The following AVL9 variants were observed in gnomAD, a reference collection of about 807,000 sequenced individuals.
The protein encoded by AVL9 is AVL9 cell migration associated.
AVL9 carries 49 observed loss-of-function variants against 79.2 expected under a neutral mutation model. The ratio of observed to expected loss-of-function variants is 0.62; its 90% CI spans 0.49 to 0.79. The LOEUF is 0.79. Among genes scored for constraint, AVL9 ranks in the 30% least tolerant of loss-of-function variants. The pLI is 0.00. For synonymous variants in AVL9, 299 were observed against 280.6 expected, an observed-to-expected ratio of 1.07 and a Z score of -0.65; for missense variants, 682 against 776.8, an observed-to-expected ratio of 0.88 and a Z score of 1.45.
intron 1 of AVL9, among the ~76,000 whole-genome samples, chr7:32,541,265 T>C (rs1243438474): frequency 1.3e-5 from 2 of 152,144 alleles, no homozygotes; most frequent in African/African-American, 4.8e-5. Flanking sequence ...ACATATTTCA[T>C]GATGCATCAT....
At chr7:32,501,302 G>A (rs1228785122) in intron 1 of AVL9, among the ~76,000 whole-genome samples, 1 of 152,174 alleles carries the variant, frequency 6.6e-6, no homozygotes, top group Non-Finnish European at 1.5e-5. Context: ...GGGAGGGTTT[G>A]TTTGATTCTT....
chr7:32,508,382 A>G (rs867700021), intron 1 of AVL9, among the ~76,000 whole-genome samples: 6 of 152,242 alleles, frequency 3.9e-5, no homozygotes, highest in Non-Finnish European at 8.8e-5. Context: ...TAAAATTTGT[A>G]GTATCCACAT....
At chr7:32,551,563 T>C (rs1789819984) in intron 5 of AVL9, 140 bp downstream of exon 5, 1 of 369,270 alleles carries the variant, frequency 2.7e-6, no homozygotes, top group Non-Finnish European at 4.9e-6. Flanking sequence ...CATTAAAACA[T>C]TGAAAGACTA....
At chr7:32,558,820 T>G in intron 9 of AVL9, 109 bp from the exon 10 acceptor site, 2 of 1,120,794 alleles carry the variant, frequency 1.8e-6, no homozygotes, top group South Asian at 3.6e-5. Flanking sequence ...AATTAAAATG[T>G]GTACAAGCAT....
At chr7:32,548,665 G>A (rs183548068) in intron 3 of AVL9, among the ~76,000 whole-genome samples, 182 bp from the exon 4 acceptor site, 1 of 152,204 alleles carries the variant, frequency 6.6e-6, no homozygotes, top group Non-Finnish European at 1.5e-5. Context: ...ACAGATTCTG[G>A]CACATAGGCC....
At chr7:32,537,398 A>C in intron 1 of AVL9, 1 of 152,034 alleles carries the variant, frequency 6.6e-6, no homozygotes. Flanking sequence ...AAACTAGAAA[A>C]ACTCAACAAT....
In AVL9 at chr7:32,520,163, G is replaced by A. The variant is rs200602146; in HGVS notation, c.94-22978G>A. On this transcript the variant is annotated intron_variant, in intron 1 of 15. Coordinates refer to ENST00000318709, the MANE Select transcript of AVL9 (RefSeq NM_015060.3). ...GGATAAAAAGAAAAATTAAGCCAGG[G>A]CAACAAAATGTACCTCCAAGACCTG... Among the ~76,000 whole-genome samples, 5 of 152,230 alleles carry A rather than the reference G, an allele frequency of 3.3e-5. No homozygotes were observed. The East Asian group carries it at 9.7e-4, about 29-fold the overall frequency.
chr7:32,569,265 G>A (rs1315764641), intron 10 of AVL9, among the ~76,000 whole-genome samples: 1 of 152,216 alleles, frequency 6.6e-6, no homozygotes, highest in Admixed American at 6.5e-5. Flanking sequence ...CATGCCACTT[G>A]TTGAAAACCC....
rs1257721183 is a variant in AVL9, at chr7:32,588,184, G to A, written c.*4277G>A. ...CGTAGTATGCTGCTCAAATTTTTTC[G>A]TGTGTGCAAATGTGAACATTTGAAC... On this transcript the variant is annotated 3_prime_UTR_variant, in exon 16 of 16. Coordinates refer to ENST00000318709, the MANE Select transcript of AVL9 (RefSeq NM_015060.3). 3 of 152,032 alleles carry A rather than the reference G, an allele frequency of 2.0e-5. No homozygotes were observed. The highest frequency in any genetic ancestry group is 2.9e-5 in the Non-Finnish European group (2 of 68,000). 9.4% of individuals were successfully genotyped at this position (152,032 alleles called of 1,614,324 possible). A position where few individuals can be genotyped will look rare whatever the true frequency, so the allele number is the denominator to read the frequency against.
At chr7:32,512,910 C>A (rs6462373) in intron 1 of AVL9, among the ~76,000 whole-genome samples, 49,835 of 149,186 alleles carry the variant, frequency 0.33, 8,415 homozygotes, top group South Asian at 0.44. Flanking sequence ...ATGTTTCATA[C>A]TGACTCCTCT....
chr7:32,586,154 A>C lies in AVL9; in HGVS notation c.*2247A>C, dbSNP rs1449588943. ...GGAATCCACTGAAATAAAAATAGTT[A>C]CATGAAGTTTAACTTTGCTTTAATA... On this transcript the variant is annotated 3_prime_UTR_variant, in exon 16 of 16. Coordinates refer to ENST00000318709, the MANE Select transcript of AVL9 (RefSeq NM_015060.3). The C allele has an allele frequency of 6.6e-6, 1 of 152,220 alleles. No homozygotes were observed. The highest frequency in any genetic ancestry group is 1.5e-5 in the Non-Finnish European group (1 of 68,050). The allele number at this position is 152,220 out of a possible 1,614,324, so 9.4% of individuals were successfully genotyped here.
chr7:32,510,332 G>A (rs1287972444), intron 1 of AVL9, among the ~76,000 whole-genome samples: 4 of 152,132 alleles, frequency 2.6e-5, no homozygotes, highest in Admixed American at 1.3e-4. Context: ...AGAATGCACA[G>A]TCCTGGCAAT....
At position 32,586,468 on chromosome 7, in the gene AVL9, C is replaced by CTCCCG. The variant is rs1554350176; in HGVS notation, c.*2561_*2562insTCCCG. 1 of 45,638 alleles carries CTCCCG rather than the reference C, an allele frequency of 2.2e-5. No individual in the cohort carries two copies. The highest frequency in any genetic ancestry group is 4.4e-5 in the Non-Finnish European group (1 of 22,920). 2.8% of individuals were successfully genotyped at this position (45,638 alleles called of 1,614,324 possible). A position where few individuals can be genotyped will look rare whatever the true frequency, so the allele number is the denominator to read the frequency against. On this transcript the variant is annotated 3_prime_UTR_variant, in exon 16 of 16. Coordinates refer to ENST00000318709, the MANE Select transcript of AVL9 (RefSeq NM_015060.3). ...CTCACCCCTGGTCCTGTGACCCCCC[C>CTCCCG]CCCCCACACACACACATACTTCAGG... is the stretch of plus-strand genomic sequence containing the variant.
rs1302069272 is a variant in AVL9 at position 32,579,130 on chromosome 7, A to G, written c.1689-1089A>G. Reference sequence around the variant, plus strand: ...AGAACCATTAATTTTATAAGCAGCTATGGATTTTACTAGGGTCACTTTCTT... The same window carrying G: ...AGAACCATTAATTTTATAAGCAGCTGTGGATTTTACTAGGGTCACTTTCTT... On this transcript the variant is annotated intron_variant, in intron 13 of 15. Coordinates refer to ENST00000318709, the MANE Select transcript of AVL9 (RefSeq NM_015060.3). Among the ~76,000 whole-genome samples, 5 of 149,910 alleles carry G rather than the reference A, an allele frequency of 3.3e-5. No homozygotes were observed. In the South Asian group the frequency reaches 1.0e-3, roughly 31 times the overall value.
intron 1 of AVL9, chr7:32,536,375 A>T (rs1447362708): frequency 6.6e-6 from 1 of 152,186 alleles, no homozygotes; most frequent in Non-Finnish European, 1.5e-5. Flanking sequence ...GTCTCATGTT[A>T]ACTTCCAAGA....
At position 32,587,676 on chromosome 7, in the gene AVL9, C is replaced by T. The variant is rs1342321254; in HGVS notation, c.*3769C>T. On this transcript the variant is annotated 3_prime_UTR_variant, in exon 16 of 16. Coordinates refer to ENST00000318709, the MANE Select transcript of AVL9 (RefSeq NM_015060.3). ...TGAGGTGCCATTTTTGGCATTTCCA[C>T]CCCGTCTCGTGGTAGCCTTTAAAAG... The T allele has an allele frequency of 6.6e-6, 1 of 152,190 alleles. No individual in the cohort carries two copies. Among genetic ancestry groups the T allele is most frequent in the Non-Finnish European group, 1.5e-5 (1 of 68,038 alleles). The allele number at this position is 152,190 out of a possible 1,614,324, so 9.4% of individuals were successfully genotyped here. A position where few individuals can be genotyped will look rare whatever the true frequency, so the allele number is the denominator to read the frequency against.
In AVL9 at chr7:32,585,512, C is replaced by G. The variant is rs1196643732; in HGVS notation, c.*1605C>G. 5.3e-5 allele frequency: 8 copies of G among 152,160 alleles called. No homozygotes were observed. The highest frequency in any genetic ancestry group is 1.2e-4 in the Non-Finnish European group (8 of 68,036). 9.4% of individuals were successfully genotyped at this position (152,160 alleles called of 1,614,324 possible). A position where few individuals can be genotyped will look rare whatever the true frequency, so the allele number is the denominator to read the frequency against. Reference sequence around the variant, plus strand: ...CGGGGAACAGACTGCCTTTTAGTAACAAGGGATACTTGGGAAATACATTGT... The same window carrying G: ...CGGGGAACAGACTGCCTTTTAGTAAGAAGGGATACTTGGGAAATACATTGT... On this transcript the variant is annotated 3_prime_UTR_variant, in exon 16 of 16. Coordinates refer to ENST00000318709, the MANE Select transcript of AVL9 (RefSeq NM_015060.3).
chr7:32,580,198 A>T, intron 13 of AVL9, 21 bp from the exon 14 acceptor site: 1 of 1,602,320 alleles, frequency 6.2e-7, no homozygotes, highest in Non-Finnish European at 8.5e-7. Context: ...CTGATAGTTT[A>T]AACTCAAACT....
chr7:32,520,267 A>G (rs961675333), intron 1 of AVL9, among the ~76,000 whole-genome samples: 1 of 152,274 alleles, frequency 6.6e-6, no homozygotes, highest in Non-Finnish European at 1.5e-5. Context: ...GATGTAAAAC[A>G]GTTCCATTTT....
Sources: gnomAD v4.1 joint callset for allele counts (sites outside exome capture counted in the v4.1 genomes callset) on GRCh38, gnomAD v4.1.1 for gene constraint, MANE v1.5 for transcripts, NCBI Gene and HGNC (gene_info 2026-07-23, HGNC 2026-07-21) for gene names.